The following PHLPP2 variants were observed in gnomAD, a reference collection of about 807,000 sequenced individuals.
PHLPP2 encodes the protein PH domain leucine-rich repeat-containing protein phosphatase 2.
In PHLPP2, 66 loss-of-function variants were observed where a neutral mutation model predicts 124.9. The observed-to-expected ratio is 0.53, with a 90% confidence interval of 0.43 to 0.65. The LOEUF is 0.65. Ranked by LOEUF, PHLPP2 falls within the 30% of genes least tolerant of loss-of-function variation. The pLI is 0.00. For synonymous variants in PHLPP2, 681 were observed against 624.7 expected, an observed-to-expected ratio of 1.09 and a Z score of -1.34; for missense variants, 1,685 against 1,600.4, an observed-to-expected ratio of 1.05 and a Z score of -0.90.
chr16:71,692,286 G>C (rs2045122721), intron 3 of PHLPP2, among the ~76,000 whole-genome samples: 1 of 152,090 alleles, frequency 6.6e-6, no homozygotes, highest in Non-Finnish European at 1.5e-5. Flanking sequence ...AGCCAGGATG[G>C]TCTCCATCTC....
At chr16:71,670,943 A>G (rs548327715) in intron 10 of PHLPP2, among the ~76,000 whole-genome samples, 1 of 152,244 alleles carries the variant, frequency 6.6e-6, no homozygotes, top group African/African-American at 2.4e-5. Context: ...TTTCCCAATC[A>G]AGTAGGAAGC....
rs2045036129 is a variant in PHLPP2 at position 71,684,611 on chromosome 16, A to G, written c.610-10T>C. On this transcript the variant is annotated splice_polypyrimidine_tract_variant and intron_variant, in intron 4 of 18. Coordinates refer to ENST00000568954, the MANE Select transcript of PHLPP2 (RefSeq NM_015020.3). ...GCTTCACTTCTTCTATCTGAAGAAGAGGAGGGGAGAAAACCAGAACCACTA... is the reference window on the plus strand; with the variant it reads ...GCTTCACTTCTTCTATCTGAAGAAGGGGAGGGGAGAAAACCAGAACCACTA... The G allele has an allele frequency of 6.3e-7, 1 of 1,598,896 alleles. No individual in the cohort carries two copies. Among genetic ancestry groups the G allele is most frequent in the Non-Finnish European group, 8.5e-7 (1 of 1,170,946 alleles).
At chr16:71,653,820 AAC>A (rs2044717335) in intron 17 of PHLPP2, among the ~76,000 whole-genome samples, 1 of 152,152 alleles carries the variant, frequency 6.6e-6, no homozygotes, top group Non-Finnish European at 1.5e-5. Flanking sequence ...ACTTCTTCCT[AAC>A]ACTTTGCTTT....
chr16:71,667,218 G>A lies in PHLPP2; in HGVS notation c.1744C>T (p.Leu582Phe). The A allele has an allele frequency of 6.2e-7, 1 of 1,613,864 alleles. No individual in the cohort carries two copies. The change falls in exon 12 of 19, where the codon CTC (leucine) becomes TTC (phenylalanine). Residue 582 changes from leucine (L) to phenylalanine (F), a missense_variant. Transcript: ENST00000568954. ...LEVLDLQHNA[L>F]TRLPDTLFSK... is the part of the protein sequence containing the mutation. Reference sequence around the variant, plus strand: ...AAGAGGGTGTCTGGCAGCCTCGTGAGTGCATTATGCTGAAGATCCAGCACC... The same window carrying A: ...AAGAGGGTGTCTGGCAGCCTCGTGAATGCATTATGCTGAAGATCCAGCACC...
chr16:71,653,099 CTTTTTTT>C (rs11298836), intron 17 of PHLPP2, 78 bp from the exon 18 acceptor site: 96 of 547,470 alleles, frequency 1.8e-4, no homozygotes, highest in Middle Eastern at 8.5e-4. Flanking sequence ...TACATCCCTT[CTTTTTTT>C]TTTTTTTTTT....
intron 1 of PHLPP2, among the ~76,000 whole-genome samples, chr16:71,720,443 G>T (rs993719217): frequency 6.6e-6 from 1 of 152,154 alleles, no homozygotes; most frequent in Admixed American, 6.5e-5. Context: ...AACTCTAAAA[G>T]TGTTCCATGA....
chr16:71,691,452 C>T (rs556695214), intron 3 of PHLPP2, among the ~76,000 whole-genome samples: 153 of 147,088 alleles, frequency 1.0e-3, no homozygotes, highest in African/African-American at 3.7e-3. Context: ...CAGAGCAAGA[C>T]GCTGTCTCAA....
At chr16:71,654,222 A>AC (rs1457505736) in intron 17 of PHLPP2, among the ~76,000 whole-genome samples, 4,071 of 149,960 alleles carry the variant, frequency 0.027, 73 homozygotes, top group Middle Eastern at 0.048. Context: ...AAAAAAAAAA[A>AC]AAAAAACTAG....
chr16:71,683,500 C>G (rs1365812049), intron 5 of PHLPP2, among the ~76,000 whole-genome samples: 1 of 152,196 alleles, frequency 6.6e-6, no homozygotes, highest in Non-Finnish European at 1.5e-5. Context: ...CCATCTATCA[C>G]TGACTATTAC....
At chr16:71,702,770 G>T in intron 2 of PHLPP2, 39 bp from the exon 3 acceptor site, 1 of 1,421,330 alleles carries the variant, frequency 7.0e-7, no homozygotes, top group South Asian at 1.3e-5. Flanking sequence ...TATTTGGTAA[G>T]TAATAAAAAT....
At position 71,669,357 on chromosome 16, in the gene PHLPP2, A is replaced by G; in HGVS notation, c.1546T>C (p.Cys516Arg). 1 of 1,610,100 alleles carries G rather than the reference A, an allele frequency of 6.2e-7. No individual in the cohort carries two copies. The highest frequency in any genetic ancestry group is 8.5e-7 in the Non-Finnish European group (1 of 1,178,166). ...GCTTCACAGGCCCAGTCAGGGACAC[A>G]CTCTAGCAGGTTTCTGCAGAAAATA... ...FLDLSRNLLE[C>R]VPDWACEAKK... Residue 516 changes from cysteine to arginine, a missense_variant, in exon 11 of 19, where the codon TGT becomes CGT. Physicochemically the swap from Cys to Arg is radical, Grantham distance 180. Transcript: ENST00000568954.
intron 2 of PHLPP2, among the ~76,000 whole-genome samples, chr16:71,710,766 A>G (rs1388411460): frequency 3.3e-5 from 5 of 152,212 alleles, no homozygotes; most frequent in Non-Finnish European, 5.9e-5. Context: ...TTTAATCTTC[A>G]TATCATTTAT....
At chr16:71,655,697 A>G (rs1178156377) in intron 16 of PHLPP2, among the ~76,000 whole-genome samples, 1 of 151,912 alleles carries the variant, frequency 6.6e-6, no homozygotes, top group East Asian at 1.9e-4. Context: ...TAGAGATGTT[A>G]GCCAGGATGG....
At chr16:71,702,401 A>C (rs940947041) in intron 3 of PHLPP2, among the ~76,000 whole-genome samples, 197 bp downstream of exon 3, 1 of 152,224 alleles carries the variant, frequency 6.6e-6, no homozygotes, top group African/African-American at 2.4e-5. Context: ...AAAAATAAAA[A>C]GAGAAGATAT....
chr16:71,669,465 C>T, intron 10 of PHLPP2, 95 bp from the exon 11 acceptor site: 1 of 865,972 alleles, frequency 1.2e-6, no homozygotes, highest in Non-Finnish European at 1.9e-6. Context: ...GCCTGTGAGC[C>T]CTTGAGGGCA....
rs2044671553 is a variant in PHLPP2 at position 71,648,831 on chromosome 16, T to C, written c.*59A>G. On this transcript the variant is annotated 3_prime_UTR_variant, in exon 19 of 19. Coordinates refer to ENST00000568954, the MANE Select transcript of PHLPP2 (RefSeq NM_015020.3). ...AAGAAATGTAGAGGCAGAATGCCTC[T>C]AGCAAGTCCCTACCCCAACCCTGCA... The C allele has an allele frequency of 2.4e-6, 3 of 1,248,180 alleles. No homozygotes were observed. The highest frequency in any genetic ancestry group is 4.2e-5 in the Admixed American group (2 of 47,492). 77.3% of individuals were successfully genotyped at this position (1,248,180 alleles called of 1,614,324 possible).
intron 8 of PHLPP2, 160 bp downstream of exon 8, chr16:71,678,595 G>C (rs895683135): frequency 3.3e-6 from 2 of 597,514 alleles, no homozygotes; most frequent in African/African-American, 3.7e-5. Flanking sequence ...GGCCGAGATC[G>C]TGCCACTGTA....
Position 71,699,095 on chromosome 16 carries a change from C to T in PHLPP2, c.418+3503G>A, listed in dbSNP as rs2045202951. Among the ~76,000 whole-genome samples the T allele has an allele frequency of 2.0e-5, 3 of 152,152 alleles. No homozygotes were observed. The South Asian group carries it at 6.2e-4, about 31-fold the overall frequency. ...TTTCCTTCCGTAACAATAGTTGTGT[C>T]TGGTTTCAGGAACTGGGTGGTTGGA... On this transcript the variant is annotated intron_variant, in intron 3 of 18. Coordinates refer to ENST00000568954, the MANE Select transcript of PHLPP2 (RefSeq NM_015020.3).
chr16:71,679,884 C>G (rs1374041313), intron 6 of PHLPP2, among the ~76,000 whole-genome samples: 1 of 152,070 alleles, frequency 6.6e-6, no homozygotes, highest in Non-Finnish European at 1.5e-5. Flanking sequence ...AGATCGAGAC[C>G]ATTCTGGCTA....
Sources: gnomAD v4.1 joint callset for allele counts (sites outside exome capture counted in the v4.1 genomes callset) on GRCh38, gnomAD v4.1.1 for gene constraint, MANE v1.5 for transcripts, NCBI Gene and HGNC (gene_info 2026-07-23, HGNC 2026-07-21) for gene names.